The following MEIOSIN variants were observed in gnomAD, a reference collection of about 807,000 sequenced individuals.
MEIOSIN encodes meiosis initiator protein.
A neutral mutation model predicts 23.4 loss-of-function variants in MEIOSIN; 18 were observed. The ratio of observed to expected loss-of-function variants is 0.77; its 90% CI spans 0.53 to 1.14. The LOEUF (loss-of-function observed/expected upper bound fraction) is 1.14. Ranked by LOEUF, MEIOSIN falls within the 50% of genes most tolerant of loss-of-function variation. The pLI is 0.00. For missense variants in MEIOSIN, 428 were observed against 242.9 expected (o/e 1.76, Z -5.07); for synonymous variants, 187 against 100.6 (o/e 1.86, Z -5.14).
intron 2 of MEIOSIN, among the ~76,000 whole-genome samples, chr19:45,739,392 A>G (rs1476183948): frequency 6.6e-6 from 1 of 152,120 alleles, no homozygotes; most frequent in Non-Finnish European, 1.5e-5. Context: ...ACCTCAAATG[A>G]TCTGCCTGCC....
intron 5 of MEIOSIN, among the ~76,000 whole-genome samples, chr19:45,752,592 A>G (rs1015703016): frequency 6.6e-6 from 1 of 151,712 alleles, no homozygotes; most frequent in Non-Finnish European, 1.5e-5. Context: ...GGCTTAAGCA[A>G]TTCTCCCGCC....
chr19:45,755,357 C>T (rs192955643), intron 7 of MEIOSIN, among the ~76,000 whole-genome samples: 1 of 152,234 alleles, frequency 6.6e-6, no homozygotes, highest in African/African-American at 2.4e-5. Flanking sequence ...GCCATATTGA[C>T]CAGGCTGGTC....
At chr19:45,738,826 A>C (rs1329367079) in intron 2 of MEIOSIN, among the ~76,000 whole-genome samples, 1 of 152,190 alleles carries the variant, frequency 6.6e-6, no homozygotes, top group Non-Finnish European at 1.5e-5. Flanking sequence ...CATGAAGAAA[A>C]TGAAGAATGC....
At chr19:45,753,316 G>C (rs751842210) in intron 5 of MEIOSIN, among the ~76,000 whole-genome samples, 1 of 152,152 alleles carries the variant, frequency 6.6e-6, no homozygotes, top group African/African-American at 2.4e-5. Flanking sequence ...GGGTCGGCTA[G>C]GAGACCCTCA....
In MEIOSIN at chr19:45,756,059, A is replaced by G. The variant is rs1401895479; in HGVS notation, c.892A>G (p.Lys298Glu). The change falls in exon 8 of 15, where the codon AAG becomes GAG. Residue 298 changes from lysine (K) to glutamate (E), a missense_variant. Transcript: ENST00000457052. Reference sequence around the variant, plus strand: ...TGTGGCGAGGATCCATTTTCTCAACAAGACCCAGCCCCATCCCAGGTAAGG... The same window carrying G: ...TGTGGCGAGGATCCATTTTCTCAACGAGACCCAGCCCCATCCCAGGTAAGG... ...EDVARIHFLN[K>E]TQPHPRQKLV... 1.4e-6 allele frequency: 1 copy of G among 702,686 alleles called. No individual in the cohort carries two copies. Among genetic ancestry groups the G allele is most frequent in the Non-Finnish European group, 2.6e-6 (1 of 384,976 alleles). 43.5% of individuals were successfully genotyped at this position (702,686 alleles called of 1,614,324 possible).
intron 9 of MEIOSIN, 89 bp downstream of exon 9, chr19:45,757,366 G>A (rs1406229998): frequency 7.7e-6 from 5 of 650,476 alleles, no homozygotes; most frequent in South Asian, 3.3e-5. Context: ...GAGAGGAGGC[G>A]GGAAAGGGAA....
intron 11 of MEIOSIN, among the ~76,000 whole-genome samples, chr19:45,760,422 C>G (rs545090225): frequency 6.7e-6 from 1 of 149,294 alleles, no homozygotes; most frequent in African/African-American, 2.5e-5. Context: ...GTCTGGCCAT[C>G]ATGGCGAAAT....
At chr19:45,746,010 C>A (rs1026724119) in intron 4 of MEIOSIN, among the ~76,000 whole-genome samples, 7 of 152,068 alleles carry the variant, frequency 4.6e-5, no homozygotes, top group Non-Finnish European at 1.0e-4. Flanking sequence ...ACTGTCTCAC[C>A]CAGGCTACAG....
intron 13 of MEIOSIN, among the ~76,000 whole-genome samples, chr19:45,762,968 G>A (rs1968978319): frequency 6.6e-6 from 1 of 152,204 alleles, no homozygotes; most frequent in Non-Finnish European, 1.5e-5. Flanking sequence ...AGGAGGAGAG[G>A]TCTCTAAGGT....
At chr19:45,734,505 C>T (rs1238149066) in intron 1 of MEIOSIN, among the ~76,000 whole-genome samples, 1 of 151,804 alleles carries the variant, frequency 6.6e-6, no homozygotes, top group Non-Finnish European at 1.5e-5. Context: ...TGGGAGGGCT[C>T]CTTTTTTTTT....
At chr19:45,752,697 G>A (rs751966189) in intron 5 of MEIOSIN, among the ~76,000 whole-genome samples, 4 of 151,932 alleles carry the variant, frequency 2.6e-5, no homozygotes, top group Admixed American at 6.6e-5. Context: ...GACAAATACC[G>A]AAGGGAAAAG....
chr19:45,741,640 G>A (rs1435477925), intron 3 of MEIOSIN, among the ~76,000 whole-genome samples: 2 of 151,888 alleles, frequency 1.3e-5, no homozygotes, highest in South Asian at 2.1e-4. Flanking sequence ...TAGCCCAGGA[G>A]GTGGAGGTTG....
chr19:45,741,823 G>A (rs919482284), intron 3 of MEIOSIN, among the ~76,000 whole-genome samples: 4 of 150,684 alleles, frequency 2.7e-5, no homozygotes, highest in Non-Finnish European at 4.4e-5. Context: ...GAGAGACCGC[G>A]TCTCCAAAAA....
chr19:45,749,671 CAAAAAAAAAA>C (rs71175219), intron 4 of MEIOSIN, among the ~76,000 whole-genome samples: 1 of 34,498 alleles, frequency 2.9e-5, no homozygotes, highest in African/African-American at 1.3e-4. Context: ...GATTCTGTCT[CAAAAAAAAAA>C]AAAAAAAAAA....
At chr19:45,758,531 C>T (rs986846959) in intron 9 of MEIOSIN, among the ~76,000 whole-genome samples, 2 of 151,946 alleles carry the variant, frequency 1.3e-5, no homozygotes, top group South Asian at 2.1e-4. Flanking sequence ...TGGGTTCAAG[C>T]GATTCTCCTT....
chr19:45,759,612 T>C (rs1206378468), intron 11 of MEIOSIN, 122 bp downstream of exon 11: 1 of 639,724 alleles, frequency 1.6e-6, no homozygotes. Context: ...CCATCTGTCC[T>C]TCCACTCATG....
At chr19:45,751,735 T>A (rs1210853111) in intron 5 of MEIOSIN, among the ~76,000 whole-genome samples, 2 of 31,952 alleles carry the variant, frequency 6.3e-5, no homozygotes, top group Non-Finnish European at 1.1e-4. Context: ...TCTTTCTTTC[T>A]TTTTTTTTTT....
rs555158232 is a variant in MEIOSIN, at chr19:45,742,173, G to A, written c.176+2443G>A. Reference sequence around the variant, plus strand: ...TTACAGGCGTGAGCCACCACGCCCAGCTTAAAAGTTTTTTGTAGATGCAGG... The same window carrying A: ...TTACAGGCGTGAGCCACCACGCCCAACTTAAAAGTTTTTTGTAGATGCAGG... On this transcript the variant is annotated intron_variant, in intron 3 of 14. Coordinates refer to ENST00000457052, the MANE Select transcript of MEIOSIN (RefSeq NM_001310124.2). Among the ~76,000 whole-genome samples, 19 of 151,848 alleles carry A rather than the reference G, an allele frequency of 1.3e-4. No homozygotes were observed. The East Asian group carries it at 2.4e-3, about 19-fold the overall frequency.
chr19:45,739,536 A>G, intron 2 of MEIOSIN, 90 bp from the exon 3 acceptor site: 1 of 691,562 alleles, frequency 1.4e-6, no homozygotes, highest in South Asian at 1.5e-5. Context: ...CAGAAGAGAA[A>G]ACATCTTTCT....
Sources: gnomAD v4.1 joint callset for allele counts (sites outside exome capture counted in the v4.1 genomes callset) on GRCh38, gnomAD v4.1.1 for gene constraint, MANE v1.5 for transcripts, NCBI Gene and HGNC (gene_info 2026-07-23, HGNC 2026-07-21) for gene names.